The following FILIP1L variants were observed in gnomAD, a reference collection of about 807,000 sequenced individuals.
The protein encoded by FILIP1L is filamin A-interacting protein 1-like.
FILIP1L carries 55 observed loss-of-function variants against 96.6 expected under a neutral mutation model. That is an observed-to-expected ratio of 0.57 (90% CI 0.46 to 0.71). The LOEUF is 0.71. Among genes scored for constraint, FILIP1L ranks in the 30% least tolerant of loss-of-function variants. The pLI is 0.00. For synonymous variants in FILIP1L, 467 were observed against 473.9 expected (o/e 0.99, Z 0.19); for missense variants, 1,304 against 1,321.2 (o/e 0.99, Z 0.20).
chr3:99,939,608 G>C (rs909752670), intron 1 of FILIP1L, among the ~76,000 whole-genome samples: 1 of 152,098 alleles, frequency 6.6e-6, no homozygotes, highest in East Asian at 1.9e-4. Context: ...ATATACTCAG[G>C]GAAGATCTTA....
At chr3:99,878,549 G>C (rs1398533197) in intron 4 of FILIP1L, among the ~76,000 whole-genome samples, 1 of 152,186 alleles carries the variant, frequency 6.6e-6, no homozygotes, top group Non-Finnish European at 1.5e-5. Context: ...GGTATGTTTG[G>C]TAAAGGAGTG....
intron 1 of FILIP1L, among the ~76,000 whole-genome samples, chr3:100,070,533 T>A (rs1260390305): frequency 6.6e-6 from 1 of 152,190 alleles, no homozygotes; most frequent in African/African-American, 2.4e-5. Context: ...TTGTGCCAAT[T>A]TAAGTGGATG....
rs114829534 is a variant in FILIP1L, at chr3:99,839,359, G to C, written c.3382-8754C>G. ...ATTGCATGCTTCATAAATATTTGTT[G>C]GTTCATTCTTGTAGGTGATTGGTTG... On this transcript the variant is annotated intron_variant, in intron 5 of 5. Transcript: ENST00000477258. 4.5e-3 allele frequency among the ~76,000 whole-genome samples: 681 copies of C among 152,198 alleles called. 7 individuals carry two copies. The highest frequency in any genetic ancestry group is 0.016 in the African/African-American group (667 of 41,520).
At chr3:100,081,592 C>T (rs1049494820) in intron 1 of FILIP1L, among the ~76,000 whole-genome samples, 1 of 152,112 alleles carries the variant, frequency 6.6e-6, no homozygotes, top group Non-Finnish European at 1.5e-5. Flanking sequence ...CCTCTGCACC[C>T]TAATTGTTGC....
intron 1 of FILIP1L, among the ~76,000 whole-genome samples, chr3:100,017,606 T>C (rs1303840692): frequency 6.6e-6 from 1 of 152,136 alleles, no homozygotes; most frequent in Non-Finnish European, 1.5e-5. Context: ...TTAATGAAAT[T>C]TGAGAGTCCT....
intron 1 of FILIP1L, among the ~76,000 whole-genome samples, chr3:99,959,758 G>A (rs535074801): frequency 9.2e-5 from 14 of 152,280 alleles, no homozygotes; most frequent in African/African-American, 3.1e-4. Flanking sequence ...GCTCCCAGAG[G>A]ACATGGGATA....
chr3:99,872,696 AC>A (rs200260958), intron 4 of FILIP1L, among the ~76,000 whole-genome samples: 2,396 of 152,274 alleles, frequency 0.016, 57 homozygotes, highest in African/African-American at 0.054. Flanking sequence ...GAAAAAGAAT[AC>A]TGCTAATGTG....
intron 1 of FILIP1L, chr3:100,023,296 A>G (rs1019816653): frequency 6.6e-6 from 1 of 152,580 alleles, no homozygotes; most frequent in African/African-American, 2.4e-5. Context: ...TGCTATGACA[A>G]CTGACTGGTT....
intron 1 of FILIP1L, among the ~76,000 whole-genome samples, chr3:99,998,755 G>A (rs1352641260): frequency 6.6e-6 from 1 of 152,138 alleles, no homozygotes; most frequent in Non-Finnish European, 1.5e-5. Flanking sequence ...ATTTTTAGTA[G>A]AGACCGGGTT....
intron 1 of FILIP1L, among the ~76,000 whole-genome samples, chr3:99,996,969 A>C (rs1164886910): frequency 6.6e-6 from 1 of 152,208 alleles, no homozygotes; most frequent in African/African-American, 2.4e-5. Flanking sequence ...AAAACACAAC[A>C]TGCCTTAACC....
chr3:100,056,997 C>G (rs1436120839), intron 1 of FILIP1L, among the ~76,000 whole-genome samples: 3 of 151,806 alleles, frequency 2.0e-5, no homozygotes, highest in African/African-American at 4.8e-5. Context: ...GAGCGAGACT[C>G]TGTCTCAAAA....
At chr3:99,907,734 T>C (rs1052041148) in intron 4 of FILIP1L, among the ~76,000 whole-genome samples, 1 of 152,174 alleles carries the variant, frequency 6.6e-6, no homozygotes, top group South Asian at 2.1e-4. Flanking sequence ...GATTTTTGTG[T>C]TCCCTTCTCT....
intron 5 of FILIP1L, among the ~76,000 whole-genome samples, chr3:99,834,576 C>A (rs1457456698): frequency 6.6e-6 from 1 of 152,218 alleles, no homozygotes; most frequent in Non-Finnish European, 1.5e-5. Context: ...AATATACTAA[C>A]CTTAAATACT....
At chr3:100,075,885 TG>T (rs1435017621) in intron 1 of FILIP1L, among the ~76,000 whole-genome samples, 2 of 152,228 alleles carry the variant, frequency 1.3e-5, no homozygotes, top group Admixed American at 6.5e-5. Context: ...CTAATCCTTC[TG>T]GGGTATTAGG....
intron 1 of FILIP1L, among the ~76,000 whole-genome samples, chr3:100,067,797 A>G (rs2065691986): frequency 6.6e-6 from 1 of 152,184 alleles, no homozygotes; most frequent in South Asian, 2.1e-4. Flanking sequence ...CCTTGAGTGA[A>G]GTGGGCTGAC....
chr3:99,987,730 A>T (rs1198848579), intron 1 of FILIP1L, among the ~76,000 whole-genome samples: 1 of 152,192 alleles, frequency 6.6e-6, no homozygotes. Flanking sequence ...TTTTCTTCAC[A>T]GGTGCATGTA....
intron 1 of FILIP1L, among the ~76,000 whole-genome samples, chr3:99,940,626 CCT>C (rs1401374522): frequency 6.6e-6 from 1 of 152,198 alleles, no homozygotes; most frequent in Admixed American, 6.5e-5. Flanking sequence ...TAGGCCAACC[CCT>C]GTTTCCTCCA....
chr3:99,943,778 G>A (rs973176412), intron 1 of FILIP1L, among the ~76,000 whole-genome samples: 1 of 152,200 alleles, frequency 6.6e-6, no homozygotes, highest in South Asian at 2.1e-4. Flanking sequence ...AAGCAAAGCA[G>A]TAATAAACAG....
chr3:100,095,699 A>C (rs1007606988), intron 1 of FILIP1L, among the ~76,000 whole-genome samples: 3 of 152,212 alleles, frequency 2.0e-5, no homozygotes, highest in Non-Finnish European at 2.9e-5. Flanking sequence ...ACTTTTCAAG[A>C]CATTGGTCTG....
Sources: gnomAD v4.1 joint callset for allele counts (sites outside exome capture counted in the v4.1 genomes callset) on GRCh38, gnomAD v4.1.1 for gene constraint, MANE v1.5 for transcripts, NCBI Gene and HGNC (gene_info 2026-07-23, HGNC 2026-07-21) for gene names.